The following FBXO11 variants were observed in gnomAD, a reference collection of about 807,000 sequenced individuals.
FBXO11 encodes F-box only protein 11.
A neutral mutation model predicts 117.0 loss-of-function variants in FBXO11; 13 were observed. The ratio of observed to expected loss-of-function variants is 0.11; its 90% CI spans 0.07 to 0.18. The LOEUF (loss-of-function observed/expected upper bound fraction) is 0.18. Among genes scored for constraint, FBXO11 ranks in the 10% least tolerant of loss-of-function variants. The probability of loss-of-function intolerance (pLI) is 1.00; values close to 1 mark genes in which losing one functional copy is unlikely to be tolerated. For missense variants in FBXO11, 767 were observed against 1,164.4 expected, an observed-to-expected ratio of 0.66 and a Z score of 4.97; for synonymous variants, 490 against 380.5, an observed-to-expected ratio of 1.29 and a Z score of -3.35.
chr2:47,843,980 A>T (rs1323213424), intron 1 of FBXO11, among the ~76,000 whole-genome samples: 1 of 152,130 alleles, frequency 6.6e-6, no homozygotes, highest in Admixed American at 6.5e-5. Context: ...ACCTCAAGGT[A>T]TCTGCCTGCC....
In FBXO11 at chr2:47,905,574, CGGCGGCGGCGGA is replaced by C; in HGVS notation, c.135_146del (p.Pro46_Pro49del). The C allele has an allele frequency of 8.0e-7, 1 of 1,252,166 alleles. No homozygotes were observed. Among genetic ancestry groups the C allele is most frequent in the Non-Finnish European group, 1.0e-6 (1 of 1,001,354 alleles). 77.6% of individuals were successfully genotyped at this position (1,252,166 alleles called of 1,614,324 possible). On this transcript the variant is annotated inframe_deletion, in exon 1 of 23. Coordinates refer to ENST00000403359, the MANE Select transcript of FBXO11 (RefSeq NM_001190274.2). Reference sequence around the variant, plus strand: ...GAGGCTGCTGCTGCTGCTGCTGCTGCGGCGGCGGCGGAGGCTGCTGCTGGGGCGGCTGCTGCT... The same window carrying C: ...GAGGCTGCTGCTGCTGCTGCTGCTGCGGCTGCTGCTGGGGCGGCTGCTGCT...
At chr2:47,813,443 T>TC in intron 17 of FBXO11, 66 bp from the exon 18 acceptor site, 1 of 1,051,024 alleles carries the variant, frequency 9.5e-7, no homozygotes, top group Admixed American at 3.3e-5. Flanking sequence ...TTTTTTTTTT[T>TC]TTTTTGAGAC....
intron 4 of FBXO11, 145 bp from the exon 5 acceptor site, chr2:47,836,146 T>A: frequency 7.6e-6 from 3 of 392,530 alleles, no homozygotes; most frequent in Non-Finnish European, 1.3e-5. Flanking sequence ...AATCACAGGA[T>A]TTTTTTTTTG....
At chr2:47,878,433 C>A (rs1199385994) in intron 1 of FBXO11, among the ~76,000 whole-genome samples, 1 of 151,970 alleles carries the variant, frequency 6.6e-6, no homozygotes, top group Non-Finnish European at 1.5e-5. Context: ...TCTCAGCTGA[C>A]TGCAACCTCC....
intron 1 of FBXO11, among the ~76,000 whole-genome samples, chr2:47,869,658 T>C (rs546506671): frequency 2.6e-5 from 4 of 152,324 alleles, no homozygotes; most frequent in African/African-American, 9.6e-5. Context: ...GAATGGGTAG[T>C]GGTAGTTATA....
At chr2:47,871,793 C>A (rs943425499) in intron 1 of FBXO11, among the ~76,000 whole-genome samples, 3 of 152,188 alleles carry the variant, frequency 2.0e-5, no homozygotes, top group African/African-American at 7.2e-5. Flanking sequence ...ATGCACAGAA[C>A]TCTTTAATTC....
At chr2:47,883,476 CT>C in intron 1 of FBXO11, 1 of 410,944 alleles carries the variant, frequency 2.4e-6, no homozygotes, top group Non-Finnish European at 4.9e-6. Context: ...TGTAAAAACC[CT>C]TATGGGGAAG....
intron 1 of FBXO11, among the ~76,000 whole-genome samples, chr2:47,864,238 C>A (rs1376763620): frequency 2.0e-5 from 3 of 152,122 alleles, no homozygotes; most frequent in Non-Finnish European, 4.4e-5. Context: ...CACGGTATTT[C>A]ATGAGAAAAC....
rs1218420720 is a variant in FBXO11 at position 47,901,100 on chromosome 2, T to C, written c.232+4389A>G. ...ACACGTGTGTACATATATATACATA[T>C]ATATGTATATATGTACACACGTGTG... On this transcript the variant is annotated intron_variant, in intron 1 of 22. Transcript: ENST00000403359. Among the ~76,000 whole-genome samples, 7 of 113,166 alleles carry C rather than the reference T, an allele frequency of 6.2e-5. No homozygotes were observed. The East Asian group carries it at 1.7e-3, about 28-fold the overall frequency. The allele number at this position is 113,166 out of a possible 152,430, so 74.2% of individuals were successfully genotyped here. A position where few individuals can be genotyped will look rare whatever the true frequency, so the allele number is the denominator to read the frequency against.
chr2:47,892,868 A>G (rs770290777), intron 1 of FBXO11, among the ~76,000 whole-genome samples: 81 of 152,226 alleles, frequency 5.3e-4, no homozygotes, highest in Middle Eastern at 3.4e-3. Flanking sequence ...TTTTTTTTTA[A>G]GTCATTTACA....
chr2:47,841,958 T>G (rs1423608440), intron 1 of FBXO11, among the ~76,000 whole-genome samples: 1 of 149,160 alleles, frequency 6.7e-6, no homozygotes, highest in East Asian at 2.1e-4. Context: ...TTTAAAAAGC[T>G]AGAAAATGAT....
intron 11 of FBXO11, among the ~76,000 whole-genome samples, chr2:47,831,026 T>C (rs1365784146): frequency 6.6e-6 from 1 of 151,878 alleles, no homozygotes; most frequent in Non-Finnish European, 1.5e-5. Context: ...TTTGAACTCC[T>C]GAGCCCAAGC....
At chr2:47,897,343 T>G (rs1677747944) in intron 1 of FBXO11, among the ~76,000 whole-genome samples, 1 of 152,206 alleles carries the variant, frequency 6.6e-6, no homozygotes, top group South Asian at 2.1e-4. Flanking sequence ...TACACTACAG[T>G]AACACAGACA....
At chr2:47,877,602 T>G (rs1458311086) in intron 1 of FBXO11, among the ~76,000 whole-genome samples, 1 of 152,184 alleles carries the variant, frequency 6.6e-6, no homozygotes, top group African/African-American at 2.4e-5. Flanking sequence ...GTGTGTATCT[T>G]TGTGTGCTTA....
At chr2:47,898,446 A>G (rs1422051482) in intron 1 of FBXO11, among the ~76,000 whole-genome samples, 1 of 152,242 alleles carries the variant, frequency 6.6e-6, no homozygotes, top group Non-Finnish European at 1.5e-5. Flanking sequence ...AACTAATTTA[A>G]CGCACATTTT....
intron 1 of FBXO11, among the ~76,000 whole-genome samples, chr2:47,848,609 T>C (rs952172475): frequency 2.6e-5 from 4 of 152,276 alleles, no homozygotes; most frequent in African/African-American, 9.6e-5. Flanking sequence ...AAATTTATTT[T>C]ATAATTTCTA....
intron 1 of FBXO11, among the ~76,000 whole-genome samples, chr2:47,869,340 A>G (rs1010152748): frequency 6.6e-6 from 1 of 152,200 alleles, no homozygotes; most frequent in Non-Finnish European, 1.5e-5. Context: ...TGGACTCCTT[A>G]TGCCTTTGAA....
chr2:47,813,126 T>C (rs1393002132), intron 18 of FBXO11, 108 bp downstream of exon 18: 3 of 1,133,476 alleles, frequency 2.6e-6, no homozygotes, highest in African/African-American at 3.1e-5. Flanking sequence ...GGAAAAAGAC[T>C]TGAGATTCAC....
chr2:47,848,457 C>T (rs979303560), intron 1 of FBXO11, among the ~76,000 whole-genome samples: 4 of 152,196 alleles, frequency 2.6e-5, no homozygotes, highest in Non-Finnish European at 1.5e-5. Context: ...TGAAACCACC[C>T]ACCCCTCTGA....
Sources: gnomAD v4.1 joint callset for allele counts (sites outside exome capture counted in the v4.1 genomes callset) on GRCh38, gnomAD v4.1.1 for gene constraint, MANE v1.5 for transcripts, NCBI Gene and HGNC (gene_info 2026-07-23, HGNC 2026-07-21) for gene names.